MTCL3: variants seen among roughly 807,000 people sequenced by gnomAD.
MTCL3 encodes the protein microtubule cross-linking factor 3.
At chr6:127,498,941 G>T in the MTCL3 span, among the ~76,000 whole-genome samples, 1 of 152,130 alleles carries the variant, frequency 6.6e-6, no homozygotes, top group African/African-American at 2.4e-5. Context: ...ACTGCAAATG[G>T]ACATGAGAGA....
chr6:127,488,424 C>T, the MTCL3 span, among the ~76,000 whole-genome samples: 1 of 152,170 alleles, frequency 6.6e-6, no homozygotes, highest in Non-Finnish European at 1.5e-5. Context: ...GCAATGTGAG[C>T]TCCACAAGAG....
At chr6:127,494,053 C>A in the MTCL3 span, among the ~76,000 whole-genome samples, 1 of 152,192 alleles carries the variant, frequency 6.6e-6, no homozygotes, top group Non-Finnish European at 1.5e-5. Context: ...ATTATCTTCA[C>A]AGGGCCAAAT....
the MTCL3 span, among the ~76,000 whole-genome samples, chr6:127,490,259 A>C: frequency 2.0e-5 from 3 of 152,186 alleles, no homozygotes; most frequent in African/African-American, 7.2e-5. Flanking sequence ...CCCTTTCAAA[A>C]GATTACTGCT....
At chr6:127,480,859 A>G in the MTCL3 span, among the ~76,000 whole-genome samples, 1 of 152,206 alleles carries the variant, frequency 6.6e-6, no homozygotes, top group African/African-American at 2.4e-5. Context: ...CCCATCAGAG[A>G]TAGCCTGATC....
chr6:127,493,919 G>A, the MTCL3 span, among the ~76,000 whole-genome samples: 3 of 152,146 alleles, frequency 2.0e-5, no homozygotes, highest in East Asian at 3.9e-4. Flanking sequence ...TCAGATTGAC[G>A]ACAGAGTTAT....
At chr6:127,512,743 G>A in the MTCL3 span, 3 of 660,112 alleles carry the variant, frequency 4.5e-6, no homozygotes, top group Admixed American at 6.3e-5. Flanking sequence ...TTATTAGTAT[G>A]AAATCATGTA....
chr6:127,499,742 CA>C, the MTCL3 span, among the ~76,000 whole-genome samples: 1 of 152,172 alleles, frequency 6.6e-6, no homozygotes, highest in Non-Finnish European at 1.5e-5. Flanking sequence ...CTGACTTCTG[CA>C]AACTTTACCC....
At chr6:127,475,461 G>A in the MTCL3 span, 7 of 1,613,342 alleles carry the variant, frequency 4.3e-6, no homozygotes, top group African/African-American at 6.7e-5. This position sits in a 1 kb window ranked among gnomAD's most constrained non-coding sequence, Gnocchi z 7.3. Flanking sequence ...CCTCGTCCAT[G>A]AGTCCGAACA....
the MTCL3 span, among the ~76,000 whole-genome samples, chr6:127,486,678 C>T: frequency 6.6e-6 from 1 of 152,188 alleles, no homozygotes; most frequent in Non-Finnish European, 1.5e-5. Flanking sequence ...ACATTCCCAG[C>T]CTCAGCTTGT....
chr6:127,490,863 A>G, the MTCL3 span, among the ~76,000 whole-genome samples: 1 of 152,172 alleles, frequency 6.6e-6, no homozygotes, highest in Non-Finnish European at 1.5e-5. Context: ...AAGAATATTC[A>G]TGATTGATTG....
At chr6:127,516,257 G>T in the MTCL3 span, 2 of 1,468,256 alleles carry the variant, frequency 1.4e-6, no homozygotes, top group African/African-American at 2.8e-5. Flanking sequence ...CCAGCCACAG[G>T]CTGGACAGCT....
the MTCL3 span, chr6:127,515,465 C>T: frequency 7.1e-7 from 1 of 1,400,482 alleles, no homozygotes; most frequent in Non-Finnish European, 9.3e-7. This position sits in a 1 kb window ranked among gnomAD's most constrained non-coding sequence, Gnocchi z 4.3. Flanking sequence ...CCTAATCCTC[C>T]CAGGCCCACT....
At chr6:127,518,130 A>G in the MTCL3 span, among the ~76,000 whole-genome samples, 1 of 152,202 alleles carries the variant, frequency 6.6e-6, no homozygotes, top group African/African-American at 2.4e-5. Context: ...ACATCGGGGG[A>G]AAATTGCCCA....
the MTCL3 span, chr6:127,512,802 G>T: frequency 7.7e-7 from 1 of 1,295,878 alleles, no homozygotes; most frequent in East Asian, 2.5e-5. Flanking sequence ...AATCATAAAA[G>T]AAATTTTTTA....
the MTCL3 span, chr6:127,515,615 C>T: frequency 4.9e-6 from 7 of 1,418,064 alleles, no homozygotes. This position sits in a 1 kb window ranked among gnomAD's most constrained non-coding sequence, Gnocchi z 4.3. Context: ...GGGGGCGCTG[C>T]CGCCTGCATG....
the MTCL3 span, chr6:127,515,556 T>C: frequency 3.4e-6 from 5 of 1,469,786 alleles, no homozygotes; most frequent in South Asian, 4.5e-5. The surrounding 1 kb of genome is among the most constrained non-coding windows in gnomAD (Gnocchi z 4.3). Flanking sequence ...CCATCTCCTC[T>C]TGCATTTCTT....
At chr6:127,514,459 C>T in the MTCL3 span, among the ~76,000 whole-genome samples, 1 of 152,224 alleles carries the variant, frequency 6.6e-6, no homozygotes, top group African/African-American at 2.4e-5. Context: ...CCCGATTCCA[C>T]CGGACTTCTC....
chr6:127,516,035 T>C, the MTCL3 span: 39 of 1,567,402 alleles, frequency 2.5e-5, no homozygotes, highest in Middle Eastern at 3.7e-4. Flanking sequence ...CGCCAGCCCC[T>C]GGGCGGCGGC....
chr6:127,504,578 C>T, the MTCL3 span, among the ~76,000 whole-genome samples: 5 of 152,148 alleles, frequency 3.3e-5, no homozygotes, highest in South Asian at 2.1e-4. Context: ...AGAATAGTGT[C>T]GTTTATTACT....
Sources: gnomAD v4.1 joint callset for allele counts (sites outside exome capture counted in the v4.1 genomes callset) on GRCh38, gnomAD v4.1.1 for gene constraint, Gnocchi (gnomAD v3.1) non-coding constraint, MANE v1.5 for transcripts, NCBI Gene and HGNC (gene_info 2026-07-23, HGNC 2026-07-21) for gene names.